Variants in IGSF21 observed in about 807,000 individuals in gnomAD.
IGSF21 encodes the protein immunoglobin superfamily member 21, also known as immunoglobulin superfamily member 21.
IGSF21 carries 28 observed loss-of-function variants against 46.8 expected under a neutral mutation model. The observed-to-expected ratio is 0.60, with a 90% CI of 0.44 to 0.82. The LOEUF (loss-of-function observed/expected upper bound fraction) is 0.82, where lower values mean the gene tolerates loss of function less well. Among genes scored for constraint, IGSF21 ranks in the 40% least tolerant of loss-of-function variants. The pLI is 0.00. For missense variants in IGSF21, 624 were observed against 665.5 expected, an observed-to-expected ratio of 0.94 and a Z score of 0.69; for synonymous variants, 284 against 273.6, an observed-to-expected ratio of 1.04 and a Z score of -0.38.
intron 2 of IGSF21, among the ~76,000 whole-genome samples, chr1:18,272,117 G>T (rs1224852326): frequency 2.0e-5 from 3 of 152,200 alleles, no homozygotes; most frequent in Non-Finnish European, 2.9e-5. Context: ...TGAAAGGCAA[G>T]TCTTCCATGG....
At chr1:18,341,012 C>CTTTTCTTCTTCTTCT (rs1408481162) in intron 4 of IGSF21, among the ~76,000 whole-genome samples, 2 of 84,984 alleles carry the variant, frequency 2.4e-5, no homozygotes, top group African/African-American at 5.1e-5. Context: ...CCTCCTTCTT[C>CTTTTCTTCTTCTTCT]TCTTCTTCTT....
intron 3 of IGSF21, among the ~76,000 whole-genome samples, chr1:18,330,517 G>A (rs571285320): frequency 3.3e-5 from 5 of 151,846 alleles, no homozygotes; most frequent in Non-Finnish European, 7.4e-5. Context: ...GGGCAGGGGC[G>A]AGAGAGAAGG....
At chr1:18,187,923 A>AAATG (rs1342758979) in intron 1 of IGSF21, among the ~76,000 whole-genome samples, 2 of 152,232 alleles carry the variant, frequency 1.3e-5, no homozygotes, top group African/African-American at 2.4e-5. Flanking sequence ...ACAAATGGAT[A>AAATG]AATGAATGAA....
intron 3 of IGSF21, among the ~76,000 whole-genome samples, chr1:18,314,520 C>T (rs949069130): frequency 4.6e-5 from 7 of 152,190 alleles, no homozygotes; most frequent in African/African-American, 1.4e-4. Flanking sequence ...CCCTCTGCTA[C>T]GGCCTCTACA....
At chr1:18,150,269 T>G (rs944749438) in intron 1 of IGSF21, among the ~76,000 whole-genome samples, 1 of 152,114 alleles carries the variant, frequency 6.6e-6, no homozygotes, top group Non-Finnish European at 1.5e-5. Context: ...GGAACCAGGT[T>G]GAGCTGGGGT....
chr1:18,363,332 CATGGT>C (rs2086123229), intron 5 of IGSF21, among the ~76,000 whole-genome samples: 1 of 152,242 alleles, frequency 6.6e-6, no homozygotes, highest in Non-Finnish European at 1.5e-5. Flanking sequence ...GTCTCCCAGG[CATGGT>C]CCAATTGTGC....
At chr1:18,123,819 G>A (rs2086254143) in intron 1 of IGSF21, among the ~76,000 whole-genome samples, 1 of 152,158 alleles carries the variant, frequency 6.6e-6, no homozygotes, top group Admixed American at 6.5e-5. Context: ...AAGTGAGGCT[G>A]GAGGGGACAC....
chr1:18,152,819 G>A lies in IGSF21; in HGVS notation c.70+44621G>A, dbSNP rs2086532916. Among the ~76,000 whole-genome samples, 3 of 152,136 alleles carry A rather than the reference G, an allele frequency of 2.0e-5. No homozygotes were observed. In the South Asian group the frequency reaches 6.2e-4, roughly 32 times the overall value. On this transcript the variant is annotated intron_variant, in intron 1 of 9. Coordinates refer to ENST00000251296, the MANE Select transcript of IGSF21 (RefSeq NM_032880.5). ...ACAAGATGCCGCTTCTTCACGTAGG[G>A]TTCCATGATCTGGCCTTAGCTCTGC...
intron 3 of IGSF21, among the ~76,000 whole-genome samples, chr1:18,320,803 C>T (rs1365820423): frequency 2.0e-5 from 3 of 152,210 alleles, no homozygotes; most frequent in African/African-American, 7.2e-5. Context: ...CTCCCTGGGC[C>T]TCAGTTTCCT....
At chr1:18,118,746 G>C (rs1181831824) in intron 1 of IGSF21, among the ~76,000 whole-genome samples, 2 of 152,106 alleles carry the variant, frequency 1.3e-5, no homozygotes, top group South Asian at 4.1e-4. Flanking sequence ...TTGGGAAGGT[G>C]GGGGGAAGAA....
chr1:18,135,976 T>A (rs1212475545), intron 1 of IGSF21, among the ~76,000 whole-genome samples: 6 of 152,252 alleles, frequency 3.9e-5, no homozygotes, highest in Non-Finnish European at 8.8e-5. Flanking sequence ...AGATGGTATC[T>A]CATTGTGGTT....
At position 18,315,538 on chromosome 1, in the gene IGSF21, G is replaced by A. The variant is rs12753646; in HGVS notation, c.306-19354G>A. ...CACTCAGTGTAGAATTGTTGGATGAGTGGATGGATGATGGATGGATGGATG... is the reference window on the plus strand; with the variant it reads ...CACTCAGTGTAGAATTGTTGGATGAATGGATGGATGATGGATGGATGGATG... On this transcript the variant is annotated intron_variant, in intron 3 of 9. Coordinates refer to ENST00000251296, the MANE Select transcript of IGSF21 (RefSeq NM_032880.5). Among the ~76,000 whole-genome samples the A allele has an allele frequency of 2.1e-4, 21 of 99,466 alleles. No homozygotes were observed. In the South Asian group the frequency reaches 6.8e-3, roughly 32 times the overall value. The allele number at this position is 99,466 out of a possible 152,430, so 65.3% of individuals were successfully genotyped here.
intron 4 of IGSF21, 96 bp from the exon 5 acceptor site, chr1:18,362,019 C>A: frequency 1.2e-6 from 1 of 813,810 alleles, no homozygotes; most frequent in Non-Finnish European, 2.0e-6. Context: ...CCACCCCCGG[C>A]ACCCAGCATG....
chr1:18,150,382 A>G (rs12404895), intron 1 of IGSF21, among the ~76,000 whole-genome samples: 56,778 of 151,756 alleles, frequency 0.37, 11,079 homozygotes, highest in East Asian at 0.58. Context: ...GTTCACTTGT[A>G]ACAAGGAGGA....
chr1:18,289,090 A>AC (rs1383507978), intron 2 of IGSF21, among the ~76,000 whole-genome samples: 3 of 151,282 alleles, frequency 2.0e-5, no homozygotes, highest in African/African-American at 7.3e-5. Flanking sequence ...TCGTAATAAA[A>AC]CCCTCAGTCT....
At chr1:18,303,504 A>G (rs1308759087) in intron 3 of IGSF21, among the ~76,000 whole-genome samples, 16 of 152,150 alleles carry the variant, frequency 1.1e-4, no homozygotes, top group Admixed American at 2.6e-4. Flanking sequence ...GGGGCCTTCC[A>G]GAGACAGCAT....
chr1:18,308,869 G>A (rs1275513048), intron 3 of IGSF21, among the ~76,000 whole-genome samples: 2 of 152,152 alleles, frequency 1.3e-5, no homozygotes, highest in Admixed American at 6.5e-5. Flanking sequence ...GGATTTCAAG[G>A]CGGGCATCAG....
intron 6 of IGSF21, among the ~76,000 whole-genome samples, chr1:18,372,515 A>AGGATGGATGGATGGATGGAT (rs55650912): frequency 3.6e-5 from 5 of 139,936 alleles, no homozygotes; most frequent in African/African-American, 1.3e-4. Context: ...GATGGATGGA[A>AGGATGGATGGATGGATGGAT]GGATGGATGG....
At chr1:18,154,688 A>G (rs1421665100) in intron 1 of IGSF21, among the ~76,000 whole-genome samples, 1 of 151,878 alleles carries the variant, frequency 6.6e-6, no homozygotes, top group Non-Finnish European at 1.5e-5. Context: ...GGTGGGGTGG[A>G]TTCCAGGCAG....
Sources: allele counts gnomAD v4.1 joint callset (sites outside exome capture counted in the v4.1 genomes callset), GRCh38; gene constraint gnomAD v4.1.1; transcripts MANE v1.5; gene names NCBI Gene and HGNC (gene_info 2026-07-23, HGNC 2026-07-21).